PPM1M: variants seen among roughly 807,000 people sequenced by gnomAD.
PPM1M encodes the protein protein phosphatase, Mg2+/Mn2+ dependent 1M.
A neutral mutation model predicts 50.8 loss-of-function variants in PPM1M; 44 were observed. The observed-to-expected ratio is 0.87, with a 90% CI of 0.68 to 1.11. The LOEUF (loss-of-function observed/expected upper bound fraction) is 1.11. Among genes scored for constraint, PPM1M ranks in the 50% most tolerant of loss-of-function variants. PPM1M has a pLI of 0.00. For missense variants in PPM1M, 556 were observed against 593.4 expected (o/e 0.94, Z 0.66); for synonymous variants, 224 against 242.9 (o/e 0.92, Z 0.72).
chr3:52,248,529 T>C, intron 6 of PPM1M, 76 bp downstream of exon 6: 1 of 1,584,634 alleles, frequency 6.3e-7, no homozygotes, highest in Non-Finnish European at 8.7e-7. Flanking sequence ...GGGGCCCCCC[T>C]CCACCTTGGC....
chr3:52,250,002 T>C lies in PPM1M; in HGVS notation c.*188T>C. Reference sequence around the variant, plus strand: ...CCAGGCAGTCAGAGCTGGAAGTGTATGGAGAGCCCAGCCCACCAGGTCCTG... The same window carrying C: ...CCAGGCAGTCAGAGCTGGAAGTGTACGGAGAGCCCAGCCCACCAGGTCCTG... On this transcript the variant is annotated 3_prime_UTR_variant, in exon 10 of 10. Coordinates refer to ENST00000323588, the MANE Select transcript of PPM1M (RefSeq NM_144641.4). 1.7e-6 allele frequency: 1 copy of C among 586,726 alleles called. No homozygotes were observed. Among genetic ancestry groups the C allele is most frequent in the South Asian group, 2.2e-5 (1 of 45,116 alleles). The allele number at this position is 586,726 out of a possible 1,614,324, so 36.3% of individuals were successfully genotyped here.
chr3:52,249,975 T>C lies in PPM1M; in HGVS notation c.*161T>C, dbSNP rs1256122339. 3.1e-6 allele frequency: 2 copies of C among 653,942 alleles called. No individual in the cohort carries two copies. The highest frequency in any genetic ancestry group is 3.6e-5 in the African/African-American group (2 of 55,552). 40.5% of individuals were successfully genotyped at this position (653,942 alleles called of 1,614,324 possible). ...ACATCCATCTCAAGAGGAACATTTA[T>C]ACCAGGCAGTCAGAGCTGGAAGTGT... On this transcript the variant is annotated 3_prime_UTR_variant, in exon 10 of 10. Coordinates refer to ENST00000323588, the MANE Select transcript of PPM1M (RefSeq NM_144641.4).
intron 7 of PPM1M, 89 bp downstream of exon 7, chr3:52,248,789 TG>T: frequency 6.9e-7 from 1 of 1,440,350 alleles, no homozygotes; most frequent in Non-Finnish European, 9.8e-7. Context: ...CTGGTAGCTG[TG>T]GCTGGTGGCC....
chr3:52,246,545 C>T, intron 1 of PPM1M, 150 bp from the exon 2 acceptor site: 4 of 493,666 alleles, frequency 8.1e-6, no homozygotes, highest in Non-Finnish European at 1.3e-5. Flanking sequence ...AGGAAGCTTA[C>T]ATCGTGGTTG....
intron 1 of PPM1M, 189 bp downstream of exon 1, chr3:52,246,237 G>A: frequency 9.9e-7 from 1 of 1,010,182 alleles, no homozygotes; most frequent in Non-Finnish European, 1.2e-6. Context: ...TTGGGATTCC[G>A]ACCTCCCCCT....
chr3:52,250,582 A>G lies in PPM1M; in HGVS notation c.*768A>G, dbSNP rs1320978431. ...TTTCCCTGTCACCTCCCTATTATTA[A>G]ATGTTTTCTACAGAAGAGCCTTGTG... is the stretch of plus-strand genomic sequence containing the variant. On this transcript the variant is annotated 3_prime_UTR_variant, in exon 10 of 10. Transcript: ENST00000323588. The G allele has an allele frequency of 6.6e-6, 1 of 152,270 alleles. No individual in the cohort carries two copies. The highest frequency in any genetic ancestry group is 2.4e-5 in the African/African-American group (1 of 41,418). The allele number at this position is 152,270 out of a possible 1,614,324, so 9.4% of individuals were successfully genotyped here.
In PPM1M at chr3:52,248,234, G is replaced by A. The variant is rs1047777898; in HGVS notation, c.792G>A (p.Gln264=). The A allele has an allele frequency of 6.2e-6, 10 of 1,612,954 alleles. No homozygotes were observed. The highest frequency in any genetic ancestry group is 8.5e-6 in the Non-Finnish European group (10 of 1,179,428). ...AGACTGAGCGGCAGCGGATCCAGCA[G>A]CTGGTAGGTGCCCTTGGCAGCATGG... ...TPETERQRIQ[Q]LAFVYPELLA... is the part of the protein sequence containing the mutation. Residue 264 remains glutamine, a synonymous_variant, in exon 5 of 10, where the codon CAG becomes CAA. Coordinates refer to ENST00000323588, the MANE Select transcript of PPM1M (RefSeq NM_144641.4).
At chr3:52,246,092 CCCGCTTCGG>C in intron 1 of PPM1M, 44 bp downstream of exon 1, 1 of 1,049,410 alleles carries the variant, frequency 9.5e-7, no homozygotes, top group Non-Finnish European at 1.2e-6. Flanking sequence ...CGGGCCTGAA[CCCGCTTCGG>C]GTCCTGCGCC....
At chr3:52,246,650 CATAGGT>C (rs1416306713) in intron 1 of PPM1M, 39 bp from the exon 2 acceptor site, 2 of 1,225,992 alleles carry the variant, frequency 1.6e-6, no homozygotes, top group African/African-American at 3.1e-5. Flanking sequence ...CCCATGGGGA[CATAGGT>C]GTGTCCCTGG....
At position 52,246,713 on chromosome 3, in the gene PPM1M, A is replaced by G. The variant is rs1200648193; in HGVS notation, c.243A>G (p.Lys81=). The change falls in exon 2 of 10, where the codon AAA becomes AAG. Residue 81 remains lysine, a synonymous_variant. Transcript: ENST00000323588. The stretch of plus-strand genomic sequence containing the variant: ...GCCTCAGGATTATCAATGCAGAGAA[A>G]TCTGAATTCAATGAGGATCAAGCCG... The part of the protein sequence containing the change: ...AGYAEIINAE[K]SEFNEDQAAC... The G allele has an allele frequency of 1.5e-6, 2 of 1,309,268 alleles. No individual in the cohort carries two copies. The highest frequency in any genetic ancestry group is 2.0e-6 in the Non-Finnish European group (2 of 992,324). 81.1% of individuals were successfully genotyped at this position (1,309,268 alleles called of 1,614,324 possible). A position where few individuals can be genotyped will look rare whatever the true frequency, so the allele number is the denominator to read the frequency against.
rs1699885214 is a variant in PPM1M at position 52,247,751 on chromosome 3, T to G, written c.667T>G (p.Ser223Ala). 3 of 1,519,388 alleles carry G rather than the reference T, an allele frequency of 2.0e-6. No homozygotes were observed. Among genetic ancestry groups the G allele is most frequent in the Non-Finnish European group, 2.7e-6 (3 of 1,123,252 alleles). The allele number at this position is 1,519,388 out of a possible 1,614,324, so 94.1% of individuals were successfully genotyped here. Residue 223 changes from serine to alanine, a missense_variant, in exon 4 of 10, where the codon TCC becomes GCC. By Grantham distance (99) the Ser-to-Ala change is moderately conservative. Transcript: ENST00000323588. The part of the protein sequence containing the change: ...MGGCTALVAV[S>A]LQGKLYMANA... ...CGGCTGCACAGCCCTGGTGGCTGTGTCCCTGCAGGGAAAGCTGTACATGGC... is the reference window on the plus strand; with the variant it reads ...CGGCTGCACAGCCCTGGTGGCTGTGGCCCTGCAGGGAAAGCTGTACATGGC...
rs1335455001 is a variant in PPM1M, at chr3:52,248,464, A to G, written c.914+11A>G. The G allele has an allele frequency of 1.2e-6, 2 of 1,609,640 alleles. No individual in the cohort carries two copies. The highest frequency in any genetic ancestry group is 1.7e-6 in the Non-Finnish European group (2 of 1,176,712). ...CCACATGAGTGGCTGGTGAGTGGGG[A>G]TGGGGGACAGGTAGGAAGGGAGACC... On this transcript the variant is annotated intron_variant, in intron 6 of 9. Transcript: ENST00000323588.
chr3:52,248,976 G>A lies in PPM1M; in HGVS notation c.999G>A (p.Leu333=), dbSNP rs201528882. 1 of 1,608,450 alleles carries A rather than the reference G, an allele frequency of 6.2e-7. No homozygotes were observed. The highest frequency in any genetic ancestry group is 2.2e-5 in the East Asian group (1 of 44,614). The change falls in exon 8 of 10, where the codon CTG becomes CTA. Residue 333 remains leucine (L), a synonymous_variant. Coordinates refer to ENST00000323588, the MANE Select transcript of PPM1M (RefSeq NM_144641.4). ...CTCAGGCTCGGTTACTAGGAACACT[G>A]GCTGTCTCCCGGGGCCTGGGAGACC... ...QGRQARLLGT[L]AVSRGLGDHQ...
rs756542183 is a variant in PPM1M, at chr3:52,245,963, G to A, written c.139G>A (p.Ala47Thr). Residue 47 changes from alanine (A) to threonine (T), a missense_variant, in exon 1 of 10, where the codon GCC (alanine) becomes ACC (threonine). Coordinates refer to ENST00000323588, the MANE Select transcript of PPM1M (RefSeq NM_144641.4). This position sits in a 1 kb window ranked among gnomAD's most constrained non-coding sequence, Gnocchi z 4.8. ...CGGCTCCAGCTCCAGCCCCGGGGCG[G>A]CCGACGCCTCGCGCCGCCCAGACTC... ...LRGSSSSPGAADASRRPDSRP... is the reference protein window; with the variant it reads ...LRGSSSSPGATDASRRPDSRP... The A allele has an allele frequency of 4.2e-5, 53 of 1,248,602 alleles. No individual in the cohort carries two copies. The highest frequency in any genetic ancestry group is 5.5e-5 in the Non-Finnish European group (53 of 970,462). 77.3% of individuals were successfully genotyped at this position (1,248,602 alleles called of 1,614,324 possible).
intron 1 of PPM1M, 196 bp downstream of exon 1, chr3:52,246,244 C>T: frequency 3.9e-6 from 4 of 1,015,502 alleles, no homozygotes; most frequent in Non-Finnish European, 4.7e-6. Context: ...TCCGACCTCC[C>T]CCTCAGAGAA....
chr3:52,250,111 T>G lies in PPM1M; in HGVS notation c.*297T>G, dbSNP rs1699938916. The G allele has an allele frequency of 2.9e-6, 1 of 345,890 alleles. No homozygotes were observed. Among genetic ancestry groups the G allele is most frequent in the African/African-American group, 2.0e-5 (1 of 49,464 alleles). The allele number at this position is 345,890 out of a possible 1,614,324, so 21.4% of individuals were successfully genotyped here. ...ATGTGAGGCTCCTCAGACAGGATCTTGAACAGCCCAAAGTATCATTCTCAG... is the reference window on the plus strand; with the variant it reads ...ATGTGAGGCTCCTCAGACAGGATCTGGAACAGCCCAAAGTATCATTCTCAG... On this transcript the variant is annotated 3_prime_UTR_variant, in exon 10 of 10. Transcript: ENST00000323588.
intron 1 of PPM1M, 198 bp from the exon 2 acceptor site, chr3:52,246,497 G>T: frequency 1.7e-6 from 1 of 572,682 alleles, no homozygotes; most frequent in Non-Finnish European, 2.6e-6. Context: ...GAGGAGCTGG[G>T]CCCTGACTTT....
At chr3:52,248,818 C>T (rs1462434388) in intron 7 of PPM1M, 118 bp downstream of exon 7, 1 of 1,336,524 alleles carries the variant, frequency 7.5e-7, no homozygotes, top group African/African-American at 1.4e-5. Context: ...TGCTCTGAGA[C>T]TAGGAATTTT....
intron 6 of PPM1M, 51 bp from the exon 7 acceptor site, chr3:52,248,586 A>T: frequency 6.2e-7 from 1 of 1,607,100 alleles, no homozygotes; most frequent in Non-Finnish European, 8.5e-7. Flanking sequence ...AGTTGGGGAA[A>T]GATGAGATGG....
Sources: gnomAD v4.1 joint callset for allele counts on GRCh38, gnomAD v4.1.1 for gene constraint, Gnocchi (gnomAD v3.1) non-coding constraint, MANE v1.5 for transcripts, NCBI Gene and HGNC (gene_info 2026-07-23, HGNC 2026-07-21) for gene names.